ARB2A: variants seen among roughly 807,000 people sequenced by gnomAD.
ARB2A encodes the protein ARB2 cotranscriptional regulator A, also known as cotranscriptional regulator ARB2A.
the ARB2A span, among the ~76,000 whole-genome samples, chr5:93,842,095 T>G: frequency 3.3e-5 from 5 of 152,302 alleles, no homozygotes; most frequent in Non-Finnish European, 7.4e-5. Flanking sequence ...TAGGAAATTC[T>G]AGAAAAGCCA....
chr5:93,758,199 A>T, the ARB2A span, among the ~76,000 whole-genome samples: 1 of 152,138 alleles, frequency 6.6e-6, no homozygotes, highest in Non-Finnish European at 1.5e-5. Flanking sequence ...AAAATATCAC[A>T]ATCCTAAACA....
the ARB2A span, among the ~76,000 whole-genome samples, chr5:94,077,361 A>C: frequency 6.6e-6 from 1 of 151,676 alleles, no homozygotes; most frequent in African/African-American, 2.4e-5. Flanking sequence ...TGACAAAGCG[A>C]GACTCTGTCT....
At chr5:93,707,213 C>A in the ARB2A span, among the ~76,000 whole-genome samples, 6 of 152,108 alleles carry the variant, frequency 3.9e-5, no homozygotes, top group African/African-American at 1.4e-4. Context: ...CAAAATTTTA[C>A]TGAAATGTAA....
chr5:93,618,344 T>A, the ARB2A span: 1 of 152,130 alleles, frequency 6.6e-6, no homozygotes, highest in Admixed American at 6.5e-5. Flanking sequence ...CTATTTTGAA[T>A]CTTAGATTTA....
chr5:93,888,113 T>C, the ARB2A span, among the ~76,000 whole-genome samples: 1 of 151,894 alleles, frequency 6.6e-6, no homozygotes, highest in East Asian at 1.9e-4. Context: ...TTTCTAACTT[T>C]TCCTGGGTTT....
chr5:93,752,963 G>A, the ARB2A span, among the ~76,000 whole-genome samples: 1 of 152,142 alleles, frequency 6.6e-6, no homozygotes, highest in Non-Finnish European at 1.5e-5. Flanking sequence ...TCTGAAAAGT[G>A]TAAAAGTGTT....
chr5:93,859,860 A>T, the ARB2A span, among the ~76,000 whole-genome samples: 1 of 152,220 alleles, frequency 6.6e-6, no homozygotes, highest in East Asian at 1.9e-4. Flanking sequence ...TGTATGGGTG[A>T]TCAGAATAAA....
At chr5:94,069,917 G>A in the ARB2A span, among the ~76,000 whole-genome samples, 2 of 152,086 alleles carry the variant, frequency 1.3e-5, no homozygotes, top group African/African-American at 4.8e-5. Context: ...TACCATACAA[G>A]CCAGCATGTG....
chr5:93,754,024 A>G, the ARB2A span, among the ~76,000 whole-genome samples: 6 of 152,218 alleles, frequency 3.9e-5, no homozygotes, highest in Non-Finnish European at 8.8e-5. Context: ...ACCGCTGGAT[A>G]TAAGTAACCT....
the ARB2A span, among the ~76,000 whole-genome samples, chr5:94,011,256 G>A: frequency 6.6e-6 from 1 of 152,014 alleles, no homozygotes; most frequent in African/African-American, 2.4e-5. Context: ...GTGCTCCTCG[G>A]CCTAGTGCTT....
At chr5:93,918,104 A>G in the ARB2A span, among the ~76,000 whole-genome samples, 1 of 152,130 alleles carries the variant, frequency 6.6e-6, no homozygotes, top group Non-Finnish European at 1.5e-5. Flanking sequence ...TTTATTCCTA[A>G]GTTTATATAA....
At chr5:93,665,723 G>A in the ARB2A span, among the ~76,000 whole-genome samples, 9 of 152,258 alleles carry the variant, frequency 5.9e-5, no homozygotes, top group Non-Finnish European at 1.2e-4. Flanking sequence ...ACATCATAGC[G>A]TGTCTGATAA....
At chr5:93,997,681 T>C in the ARB2A span, among the ~76,000 whole-genome samples, 5 of 152,110 alleles carry the variant, frequency 3.3e-5, no homozygotes, top group South Asian at 1.0e-3. Context: ...TATGACTTAA[T>C]AACTCAAGAT....
chr5:93,939,961 T>C, the ARB2A span, among the ~76,000 whole-genome samples: 2 of 152,020 alleles, frequency 1.3e-5, no homozygotes, highest in Non-Finnish European at 2.9e-5. Flanking sequence ...ATCCGTTTTT[T>C]TTTTAAACTC....
At chr5:94,085,021 A>T in the ARB2A span, among the ~76,000 whole-genome samples, 2 of 152,184 alleles carry the variant, frequency 1.3e-5, no homozygotes, top group African/African-American at 2.4e-5. Flanking sequence ...CGACAATACC[A>T]AAAGTTAAAA....
At chr5:93,621,008 G>A in the ARB2A span, 1 of 1,611,152 alleles carries the variant, frequency 6.2e-7, no homozygotes. Context: ...CGTGCTTGAT[G>A]CGGTGGGAGC....
chr5:94,096,703 G>C, the ARB2A span, among the ~76,000 whole-genome samples: 1 of 152,148 alleles, frequency 6.6e-6, no homozygotes, highest in Admixed American at 6.5e-5. Context: ...TAAAAGGAGG[G>C]AGGAAGAGCT....
the ARB2A span, among the ~76,000 whole-genome samples, chr5:93,721,329 G>A: frequency 1.3e-5 from 2 of 152,134 alleles, no homozygotes; most frequent in South Asian, 4.1e-4. Context: ...AAGATAGTAT[G>A]GAAGGGGCAA....
At chr5:93,970,234 C>A in the ARB2A span, among the ~76,000 whole-genome samples, 4 of 152,026 alleles carry the variant, frequency 2.6e-5, no homozygotes, top group Non-Finnish European at 5.9e-5. Context: ...CCATACATCA[C>A]CAGTCATACC....
Sources: gnomAD v4.1 joint callset for allele counts (sites outside exome capture counted in the v4.1 genomes callset) on GRCh38, gnomAD v4.1.1 for gene constraint, MANE v1.5 for transcripts, NCBI Gene and HGNC (gene_info 2026-07-23, HGNC 2026-07-21) for gene names.